Variants in PLP2 observed in about 807,000 individuals in gnomAD.
The protein encoded by PLP2 is A4 differentiation-dependent protein.
In PLP2, 8 loss-of-function variants were observed where a neutral mutation model predicts 11.4. That is an observed-to-expected ratio of 0.70 (90% CI 0.41 to 1.27). The LOEUF is 1.27. Among genes scored for constraint, PLP2 ranks in the 50% most tolerant of loss-of-function variants. PLP2 has a pLI of 0.01. For missense variants in PLP2, 127 were observed against 123.5 expected, an observed-to-expected ratio of 1.03 and a Z score of -0.14; for synonymous variants, 50 against 53.2, an observed-to-expected ratio of 0.94 and a Z score of 0.26.
Position 49,174,763 on chromosome X carries a change from C to T in PLP2, c.*69C>T. On this transcript the variant is annotated 3_prime_UTR_variant, in exon 5 of 5. Transcript: ENST00000376327. The stretch of plus-strand genomic sequence containing the variant: ...CCATTGAAATAACTCCTCCCCACCC[C>T]AACAACAACATTCCCAGCAGACCAA... The T allele has an allele frequency of 9.8e-6, 9 of 916,160 alleles. No homozygotes were observed. The highest frequency in any genetic ancestry group is 1.4e-5 in the Non-Finnish European group (9 of 631,696). The allele number at this position is 916,160 out of a possible 1,213,427, so 75.5% of individuals were successfully genotyped here.
chrX:49,173,073 A>T (rs1203695281), intron 1 of PLP2, 56 bp from the exon 2 acceptor site: 32 of 1,136,877 alleles, frequency 2.8e-5, no homozygotes, highest in Non-Finnish European at 3.7e-5. Context: ...AATTTAAACC[A>T]ATCTTCTCAG....
intron 1 of PLP2, among the ~76,000 whole-genome samples, chrX:49,172,426 G>T (rs2065395832): frequency 9.0e-6 from 1 of 111,622 alleles, no homozygotes; most frequent in Non-Finnish European, 1.9e-5. Context: ...CTGTGGCAGG[G>T]CGTGGCGCGG....
Position 49,174,653 on chromosome X carries a change from C to G in PLP2, c.437-19C>G, listed in dbSNP as rs1557099615. The stretch of plus-strand genomic sequence containing the variant: ...CATATAGATTCAGCCAATGCTTTCT[C>G]TCTTTTCCTCACCTGCAGACCCCGC... On this transcript the variant is annotated intron_variant, in intron 4 of 4. Transcript: ENST00000376327. 8.3e-7 allele frequency: 1 copy of G among 1,202,159 alleles called. No homozygotes were observed. The highest frequency in any genetic ancestry group is 1.1e-6 in the Non-Finnish European group (1 of 887,178).
intron 4 of PLP2, 75 bp downstream of exon 4, chrX:49,174,500 T>TA (rs2065404580): frequency 1.0e-6 from 1 of 961,935 alleles, no homozygotes; most frequent in Non-Finnish European, 1.5e-6. Context: ...AGGGATCTCT[T>TA]AAAGGCACGA....
chrX:49,173,830 GA>G, intron 3 of PLP2: 1 of 408,255 alleles, frequency 2.4e-6, no homozygotes, highest in Non-Finnish European at 4.3e-6. Flanking sequence ...TTGGGAGGCT[GA>G]GGCCGAGGCA....
At chrX:49,174,476 G>A (rs2065404526) in intron 4 of PLP2, 51 bp downstream of exon 4, 1 of 1,046,067 alleles carries the variant, frequency 9.6e-7, no homozygotes, top group Non-Finnish European at 1.3e-6. Context: ...TGAGAGGGCA[G>A]AGGGAAAAAG....
At position 49,171,911 on chromosome X, in the gene PLP2, C is replaced by CAA. The variant is rs2065393922; in HGVS notation, c.-90_-89insAA. Reference sequence around the variant, plus strand: ...CCCCGGGGCCCCCTTCCCGGCCAGACGGCGGGCAAGACAGCTGGGTGTACA... The same window carrying CAA: ...CCCCGGGGCCCCCTTCCCGGCCAGACAAGGCGGGCAAGACAGCTGGGTGTACA... On this transcript the variant is annotated 5_prime_UTR_variant, in exon 1 of 5. Transcript: ENST00000376327. 1.5e-6 allele frequency: 1 copy of CAA among 662,552 alleles called. No homozygotes were observed. Among genetic ancestry groups the CAA allele is most frequent in the Admixed American group, 2.6e-5 (1 of 38,087 alleles). The allele number at this position is 662,552 out of a possible 1,213,427, so 54.6% of individuals were successfully genotyped here.
At chrX:49,173,535 C>T (rs2065400027) in intron 3 of PLP2, 52 bp downstream of exon 3, 1 of 1,209,914 alleles carries the variant, frequency 8.3e-7, no homozygotes, top group East Asian at 3.0e-5. Context: ...TTTGAGGAGC[C>T]AGGGACCATT....
At position 49,174,349 on chromosome X, in the gene PLP2, C is replaced by T. The variant is rs782695122; in HGVS notation, c.360C>T (p.Ile120=). ...CTGTCCCCCAGGTACTGGGCCTAAT[C>T]GCTACGTGCCTCTTTGGCTATGATG... The part of the protein sequence containing the change: ...SKIVAGVLGL[I]ATCLFGYDAY... Residue 120 remains isoleucine, a synonymous_variant, in exon 4 of 5, where the codon ATC becomes ATT. Coordinates refer to ENST00000376327, the MANE Select transcript of PLP2 (RefSeq NM_002668.3). The T allele has an allele frequency of 2.7e-5, 32 of 1,206,650 alleles. No homozygotes were observed. The highest frequency in any genetic ancestry group is 4.4e-5 in the Admixed American group (2 of 45,715).
chrX:49,173,198 G>A lies in PLP2; in HGVS notation c.166G>A (p.Glu56Lys), dbSNP rs782445136. ...AGGCTACTCCTCCCTGTCGGTGATT[G>A]AGATGATCCTTGCTGCTATTTTCTT... ...TPGYSSLSVI[E>K]MILAAIFFVV... The change falls in exon 2 of 5, where the codon GAG (glutamate) becomes AAG (lysine). Residue 56 changes from glutamate to lysine, a missense_variant. Glu to Lys is a moderately conservative substitution (Grantham distance 56). Transcript: ENST00000376327. 11 of 1,207,157 alleles carry A rather than the reference G, an allele frequency of 9.1e-6. No individual in the cohort carries two copies.
Position 49,173,493 on chromosome X carries a change from A to G in PLP2, c.345+10A>G, listed in dbSNP as rs782729162. 8 of 1,210,036 alleles carry G rather than the reference A, an allele frequency of 6.6e-6. No individual in the cohort carries two copies. The highest frequency in any genetic ancestry group is 6.6e-5 in the Admixed American group (3 of 45,760). ...CAAAATCGTCGCAGGGGTAAAGGCC[A>G]TGGGAGCAGCTCTGAAGCACAGAGC... is the stretch of plus-strand genomic sequence containing the variant. On this transcript the variant is annotated intron_variant, in intron 3 of 4. Coordinates refer to ENST00000376327, the MANE Select transcript of PLP2 (RefSeq NM_002668.3).
chrX:49,172,156 A>T, intron 1 of PLP2, 60 bp downstream of exon 1: 4 of 832,896 alleles, frequency 4.8e-6, no homozygotes, highest in Non-Finnish European at 7.1e-6. Context: ...GACCATGCGG[A>T]ACTGGATGGT....
chrX:49,175,021 A>C lies in PLP2; in HGVS notation c.*327A>C, dbSNP rs1602595715. The C allele has an allele frequency of 2.5e-6, 1 of 398,191 alleles. No individual in the cohort carries two copies. The highest frequency in any genetic ancestry group is 4.4e-6 in the Non-Finnish European group (1 of 227,552). 32.8% of individuals were successfully genotyped at this position (398,191 alleles called of 1,213,427 possible). A position where few individuals can be genotyped will look rare whatever the true frequency, so the allele number is the denominator to read the frequency against. ...AGGCCCTAGGTTGGGACCCACTCCA[A>C]ATAATCTCCTCGGTGTGGGTGGTGG... On this transcript the variant is annotated 3_prime_UTR_variant, in exon 5 of 5. Transcript: ENST00000376327.
chrX:49,172,624 G>A (rs1253787007), intron 1 of PLP2, among the ~76,000 whole-genome samples: 1 of 112,738 alleles, frequency 8.9e-6, no homozygotes, highest in Non-Finnish European at 1.9e-5. Flanking sequence ...AGTGGGCGCC[G>A]CCTTTGAGTC....
Position 49,173,180 on chromosome X carries a change from T to G in PLP2, c.148T>G (p.Ser50Ala). The change falls in exon 2 of 5, where the codon TCC (serine) becomes GCC (alanine). Residue 50 changes from serine to alanine, a missense_variant. Physicochemically the swap from Ser to Ala is moderately conservative, Grantham distance 99. Transcript: ENST00000376327. ...CTTCAGTGCCTCCACACCAGGCTAC[T>G]CCTCCCTGTCGGTGATTGAGATGAT... ...ICFSASTPGY[S>A]SLSVIEMILA... The G allele has an allele frequency of 5.8e-6, 7 of 1,208,794 alleles. No homozygotes were observed. The highest frequency in any genetic ancestry group is 7.8e-6 in the Non-Finnish European group (7 of 893,065).
In PLP2 at chrX:49,174,700, C is replaced by T; in HGVS notation, c.*6C>T. 8.4e-7 allele frequency: 1 copy of T among 1,195,873 alleles called. No individual in the cohort carries two copies. The highest frequency in any genetic ancestry group is 1.1e-6 in the Non-Finnish European group (1 of 881,434). ...CCGCAGATGGCCCGGTGTAGGCGAA[C>T]TTCCCTCATTTCTCTCTGCAATCTG... On this transcript the variant is annotated 3_prime_UTR_variant, in exon 5 of 5. Transcript: ENST00000376327.
intron 3 of PLP2, 62 bp from the exon 4 acceptor site, chrX:49,174,273 A>T: frequency 2.4e-6 from 2 of 844,131 alleles, no homozygotes; most frequent in Non-Finnish European, 3.6e-6. Flanking sequence ...ATACAAGAAG[A>T]TAAGAGACTG....
At chrX:49,174,079 C>T (rs1165356961) in intron 3 of PLP2, among the ~76,000 whole-genome samples, 1 of 99,431 alleles carries the variant, frequency 1.0e-5, no homozygotes, top group Non-Finnish European at 2.1e-5. Context: ...TACTGTGTCT[C>T]AAAAAAAAAA....
intron 3 of PLP2, chrX:49,173,791 CA>C: frequency 2.2e-6 from 1 of 444,830 alleles, no homozygotes. Flanking sequence ...GGGCCGGGCG[CA>C]GTGGCTCATG....
Sources: gnomAD v4.1 joint callset for allele counts (sites outside exome capture counted in the v4.1 genomes callset) on GRCh38, gnomAD v4.1.1 for gene constraint, MANE v1.5 for transcripts, NCBI Gene and HGNC (gene_info 2026-07-23, HGNC 2026-07-21) for gene names.